ACADVL: variants seen among roughly 807,000 people sequenced by gnomAD.
The protein encoded by ACADVL is very long-chain acyl-CoA dehydrogenase, mitochondrial.
ACADVL carries 73 observed loss-of-function variants against 80.4 expected under a neutral mutation model. The ratio of observed to expected loss-of-function variants is 0.91; its 90% CI spans 0.75 to 1.10. The LOEUF is 1.10. Among genes scored for constraint, ACADVL ranks in the 50% least tolerant of loss-of-function variants. ACADVL has a pLI of 0.00. For synonymous variants in ACADVL, 392 were observed against 326.5 expected (o/e 1.20, Z -2.16); for missense variants, 878 against 858.9 (o/e 1.02, Z -0.28).
chr17:7,221,413 G>A (rs2071211788), intron 6 of ACADVL, 125 bp from the exon 7 acceptor site: 2 of 1,447,234 alleles, frequency 1.4e-6, no homozygotes, highest in East Asian at 2.3e-5. Flanking sequence ...GGATGGCCCA[G>A]GTCAGGCACT....
rs777031338 is a variant in ACADVL at position 7,222,249 on chromosome 17, G to A, written c.825G>A (p.Val275=). The change falls in exon 9 of 20, where the codon GTG becomes GTA. Residue 275 remains valine, a synonymous_variant. Transcript: ENST00000356839. ...TTACAGATCCAGCCACAGGAGCCGTGAAGGAGAAGATCACAGCTTTTGTGG... is the reference window on the plus strand; with the variant it reads ...TTACAGATCCAGCCACAGGAGCCGTAAAGGAGAAGATCACAGCTTTTGTGG... ...TPVTDPATGA[V]KEKITAFVVE... is the part of the protein sequence containing the mutation. 6.2e-7 allele frequency: 1 copy of A among 1,614,126 alleles called. No homozygotes were observed.
At position 7,220,755 on chromosome 17, in the gene ACADVL, A is replaced by G; in HGVS notation, c.278-11A>G. Reference sequence around the variant, plus strand: ...GCCTGGCCTGACCAGCCTGTCCCCCACCCTCTGCAGTGCTCAACGAAGAGC... The same window carrying G: ...GCCTGGCCTGACCAGCCTGTCCCCCGCCCTCTGCAGTGCTCAACGAAGAGC... On this transcript the variant is annotated splice_polypyrimidine_tract_variant and intron_variant, in intron 4 of 19. Transcript: ENST00000356839. 6.2e-7 allele frequency: 1 copy of G among 1,614,120 alleles called. No individual in the cohort carries two copies. The highest frequency in any genetic ancestry group is 8.5e-7 in the Non-Finnish European group (1 of 1,180,020).
At chr17:7,219,057 C>T (rs1161557070), upstream of ACADVL, 4 of 627,842 alleles carry the variant, frequency 6.4e-6, no homozygotes, top group East Asian at 8.2e-5. Context: ...AACCTAGCCA[C>T]GCTCTCCTGA....
At chr17:7,219,911 C>T, upstream of ACADVL, 2 of 704,524 alleles carry the variant, frequency 2.8e-6, no homozygotes, top group South Asian at 4.4e-5. Flanking sequence ...GGGTTAGGGG[C>T]GCCAGGACGT....
Position 7,220,484 on chromosome 17 carries a change from T to G in ACADVL, c.159T>G (p.Asp53Glu). ...CCCAGCTGGCTCTGGACAAGTCAGA[T>G]TCCCACCCCTCTGACGCTCTGACCA... ...GAAQLALDKS[D>E]SHPSDALTRK... is the part of the protein sequence containing the mutation. The change falls in exon 3 of 20, where the codon GAT (aspartate) becomes GAG (glutamate). Residue 53 changes from aspartate to glutamate, a missense_variant. Transcript: ENST00000356839. 1 of 1,614,192 alleles carries G rather than the reference T, an allele frequency of 6.2e-7. No homozygotes were observed. The highest frequency in any genetic ancestry group is 8.5e-7 in the Non-Finnish European group (1 of 1,180,022).
upstream of ACADVL, chr17:7,217,263 G>T (rs2070962883): frequency 9.8e-6 from 12 of 1,220,896 alleles, no homozygotes; most frequent in African/African-American, 1.6e-5. Flanking sequence ...TGCAGGGGGG[G>T]CCAGGATGGG....
rs2142990030 is a variant in ACADVL at position 7,224,708 on chromosome 17, T to C, written c.1745T>C (p.Leu582Pro). The C allele has an allele frequency of 6.3e-7, 1 of 1,593,542 alleles. No homozygotes were observed. The highest frequency in any genetic ancestry group is 8.5e-7 in the Non-Finnish European group (1 of 1,170,394). Residue 582 changes from leucine (L) to proline (P), a missense_variant, in exon 18 of 20, where the codon CTC (leucine) becomes CCC (proline). Physicochemically the swap from Leu to Pro is moderately conservative, Grantham distance 98. Coordinates refer to ENST00000356839, the MANE Select transcript of ACADVL (RefSeq NM_000018.4). The part of the protein sequence containing the change: ...AIDLYAMVVV[L>P]SRASRSLSEG... ...GACCTCTATGCCATGGTGGTGGTTC[T>C]CTCGAGGTGAGGAGGCAGGCAGGGA...
chr17:7,220,572 C>T lies in ACADVL; in HGVS notation c.205-32C>T, dbSNP rs376629743. On this transcript the variant is annotated intron_variant, in intron 3 of 19. Transcript: ENST00000356839. ...CAGGTGGACCTTAGCCAGACCCAAC[C>T]AGAGCCCTGAAATTTGCCTCTCTCT... 6 of 1,614,096 alleles carry T rather than the reference C, an allele frequency of 3.7e-6. No homozygotes were observed. The South Asian group carries it at 5.5e-5, about 15-fold the overall frequency.
chr17:7,224,612 A>G, intron 17 of ACADVL, 30 bp from the exon 18 acceptor site: 11 of 371,550 alleles, frequency 3.0e-5, no homozygotes, highest in South Asian at 4.8e-5. Context: ...TAATGCCCCC[A>G]CCCCCACCCC....
chr17:7,218,379 G>T, upstream of ACADVL: 1 of 1,432,496 alleles, frequency 7.0e-7, no homozygotes, highest in Non-Finnish European at 9.6e-7. Context: ...CAAGGGAGGA[G>T]CCCTTTCAGC....
chr17:7,219,913 CCAGGACGTGGGCGTG>C, upstream of ACADVL: 4 of 677,066 alleles, frequency 5.9e-6, no homozygotes, highest in Non-Finnish European at 8.5e-6. Flanking sequence ...GTTAGGGGCG[CCAGGACGTGGGCGTG>C]CAGGACGCCA....
upstream of ACADVL, chr17:7,217,548 C>T (rs1409582698): frequency 3.2e-4 from 58 of 183,436 alleles, no homozygotes; most frequent in Non-Finnish European, 3.5e-4. Flanking sequence ...GGGGCCGTGG[C>T]GGGGGAGTGG....
chr17:7,222,974 C>A, intron 10 of ACADVL, 109 bp downstream of exon 10: 1 of 1,477,298 alleles, frequency 6.8e-7, no homozygotes, highest in Non-Finnish European at 9.3e-7. Flanking sequence ...AAACTCCTCC[C>A]CTACCAGCAG....
At position 7,225,127 on chromosome 17, in the gene ACADVL, T is replaced by G. The variant is rs367698832; in HGVS notation, c.*30T>G. 2 of 1,613,802 alleles carry G rather than the reference T, an allele frequency of 1.2e-6. No homozygotes were observed. Among genetic ancestry groups the G allele is most frequent in the Admixed American group, 3.3e-5 (2 of 60,026 alleles). ...TCCCGGCCAGGGCCTGTCCCAGTTA[T>G]GTGCCTTCCCTCAAGCCAAAGCCGA... On this transcript the variant is annotated 3_prime_UTR_variant, in exon 20 of 20. Transcript: ENST00000356839.
At chr17:7,224,925 T>G (rs1431966566) in intron 19 of ACADVL, 32 bp from the exon 20 acceptor site, 1 of 1,613,786 alleles carries the variant, frequency 6.2e-7, no homozygotes, top group Non-Finnish European at 8.5e-7. Flanking sequence ...GGGCTGGAGG[T>G]GCAGGCCCAA....
At chr17:7,222,540 T>A in intron 9 of ACADVL, 127 bp from the exon 10 acceptor site, 1 of 1,192,594 alleles carries the variant, frequency 8.4e-7, no homozygotes, top group Non-Finnish European at 1.2e-6. Flanking sequence ...GGGGAAGTGG[T>A]GGCTGTAGCC....
chr17:7,225,187 G>A lies in ACADVL; in HGVS notation c.*90G>A. On this transcript the variant is annotated 3_prime_UTR_variant, in exon 20 of 20. Transcript: ENST00000356839. ...CCTTAAGGCCCTGGTTTGTCCCGAAGGGGCCTAGTGTTCCCAGCACTGTGC... is the reference window on the plus strand; with the variant it reads ...CCTTAAGGCCCTGGTTTGTCCCGAAAGGGCCTAGTGTTCCCAGCACTGTGC... 1 of 1,574,896 alleles carries A rather than the reference G, an allele frequency of 6.3e-7. No individual in the cohort carries two copies. Among genetic ancestry groups the A allele is most frequent in the Non-Finnish European group, 8.7e-7 (1 of 1,152,138 alleles).
At chr17:7,220,342 C>T (rs2071135334) in intron 2 of ACADVL, 122 bp from the exon 3 acceptor site, 2 of 1,554,664 alleles carry the variant, frequency 1.3e-6, no homozygotes, top group South Asian at 1.1e-5. Flanking sequence ...CCAGGGTGCC[C>T]TAGGGCGAAA....
At chr17:7,218,375 A>G, upstream of ACADVL, 1 of 1,456,902 alleles carries the variant, frequency 6.9e-7, no homozygotes, top group African/African-American at 1.4e-5. Flanking sequence ...CTGGCAAGGG[A>G]GGAGCCCTTT....
Sources: allele counts gnomAD v4.1 joint callset, GRCh38; gene constraint gnomAD v4.1.1; transcripts MANE v1.5; gene names NCBI Gene and HGNC (gene_info 2026-07-23, HGNC 2026-07-21).